TIAM1: variants seen among roughly 807,000 people sequenced by gnomAD.
The protein encoded by TIAM1 is TIAM Rac1 associated GEF 1, also known as rho guanine nucleotide exchange factor TIAM1.
In TIAM1, 65 loss-of-function variants were observed where a neutral mutation model predicts 163.5. The observed-to-expected ratio is 0.40, with a 90% confidence interval of 0.33 to 0.49. TIAM1 has a LOEUF of 0.49. TIAM1 is among the 20% of genes least tolerant of loss of function. The pLI, the probability that TIAM1 is intolerant of heterozygous loss-of-function variation, is 0.77. For synonymous variants in TIAM1, 833 were observed against 810.1 expected (o/e 1.03, Z -0.48); for missense variants, 1,789 against 2,044.7 (o/e 0.87, Z 2.41).
At position 31,438,392 on chromosome 21, in the gene TIAM1, A is replaced by G. The variant is rs182022815; in HGVS notation, c.-369+25591T>C. 1.3e-3 allele frequency among the ~76,000 whole-genome samples: 191 copies of G among 151,812 alleles called. 3 individuals carry two copies. The highest frequency in any genetic ancestry group is 8.2e-3 in the Admixed American group (125 of 15,232). On this transcript the variant is annotated intron_variant, in intron 2 of 28. Coordinates refer to the TIAM1 transcript ENST00000286827. ...TTTTTAGTAGAGACAGGGTTTTGCC[A>G]TGTTGGACAGGCTGGTCTCGAACTC...
intron 2 of TIAM1, among the ~76,000 whole-genome samples, chr21:31,326,339 TA>T (rs1411464264): frequency 6.6e-6 from 1 of 152,254 alleles, no homozygotes; most frequent in African/African-American, 2.4e-5. Flanking sequence ...AAGAGACTCT[TA>T]GAGGGAAGGG....
chr21:31,331,102 G>C (rs142544081), intron 2 of TIAM1, among the ~76,000 whole-genome samples: 59 of 152,192 alleles, frequency 3.9e-4, no homozygotes, highest in African/African-American at 1.4e-3. Context: ...GTGACATACA[G>C]AGCCAGTGCT....
At position 31,124,694 on chromosome 21, in the gene TIAM1, G is replaced by A. The variant is rs1293969632; in HGVS notation, c.4134C>T (p.Ser1378=). Residue 1378 remains serine (S), a splice_region_variant and synonymous_variant, in exon 27 of 28, where the codon AGC becomes AGT. Coordinates refer to ENST00000541036, the MANE Select transcript of TIAM1 (RefSeq NM_001353694.2). ...RPERVFHLCC[S]SPESRKDFLK... The stretch of plus-strand genomic sequence containing the variant: ...GGAAATCCTTTCGGCTCTCTGGGGA[G>A]CTAGGAAAAGAAGATTTACAGATGT... 2 of 1,563,206 alleles carry A rather than the reference G, an allele frequency of 1.3e-6. No individual in the cohort carries two copies. Among genetic ancestry groups the A allele is most frequent in the East Asian group, 2.3e-5 (1 of 43,996 alleles).
chr21:31,328,318 A>G (rs1479104995), intron 2 of TIAM1, among the ~76,000 whole-genome samples: 1 of 152,212 alleles, frequency 6.6e-6, no homozygotes, highest in Non-Finnish European at 1.5e-5. Context: ...ACCGTAGATC[A>G]AAAATATTCA....
intron 2 of TIAM1, among the ~76,000 whole-genome samples, chr21:31,383,906 C>A (rs2076822698): frequency 6.6e-6 from 1 of 152,146 alleles, no homozygotes; most frequent in African/African-American, 2.4e-5. Context: ...GGTTATGCTG[C>A]AAATCATCAG....
chr21:31,183,017 A>G (rs373947166), intron 14 of TIAM1, among the ~76,000 whole-genome samples: 2 of 152,182 alleles, frequency 1.3e-5, no homozygotes, highest in African/African-American at 4.8e-5. Flanking sequence ...GACTGCCATC[A>G]CTGTGTTTTG....
chr21:31,511,431 G>C (rs8129148), intron 1 of TIAM1, among the ~76,000 whole-genome samples: 9,361 of 152,182 alleles, frequency 0.062, 748 homozygotes, highest in African/African-American at 0.18. Context: ...CAGAACCTTG[G>C]TCTGTCCCTT....
chr21:31,435,822 T>A (rs1343434008), intron 2 of TIAM1, among the ~76,000 whole-genome samples: 1 of 152,182 alleles, frequency 6.6e-6, no homozygotes, highest in Non-Finnish European at 1.5e-5. Flanking sequence ...GTCTTGGAAG[T>A]GGGTTCGTTA....
chr21:31,442,066 A>AAAAAAAAAAAT (rs1202451553), intron 2 of TIAM1, among the ~76,000 whole-genome samples: 1 of 18,786 alleles, frequency 5.3e-5, no homozygotes, highest in African/African-American at 2.4e-4. Context: ...AGAACAAATA[A>AAAAAAAAAAAT]ATAAATATAT....
intron 2 of TIAM1, among the ~76,000 whole-genome samples, chr21:31,294,089 G>A (rs1033454746): frequency 5.3e-5 from 8 of 152,170 alleles, no homozygotes; most frequent in Non-Finnish European, 1.2e-4. Flanking sequence ...ACAGCATGGT[G>A]AGGGTGGGGG....
intron 15 of TIAM1, among the ~76,000 whole-genome samples, chr21:31,174,272 A>T (rs1179892686): frequency 6.6e-6 from 1 of 152,238 alleles, no homozygotes; most frequent in Non-Finnish European, 1.5e-5. Flanking sequence ...GCCCATGCAG[A>T]CCAAGCGGCT....
intron 2 of TIAM1, among the ~76,000 whole-genome samples, chr21:31,396,002 G>A (rs1028583273): frequency 6.6e-6 from 1 of 152,152 alleles, no homozygotes; most frequent in East Asian, 1.9e-4. Context: ...GAAATTGATT[G>A]GGATATAGGC....
intron 2 of TIAM1, among the ~76,000 whole-genome samples, chr21:31,457,387 C>G (rs2833409): frequency 1.3e-5 from 2 of 152,038 alleles, no homozygotes; most frequent in Admixed American, 1.3e-4. Flanking sequence ...GCAATGACAA[C>G]GACATTAACA....
chr21:31,391,170 C>T (rs1053135659), intron 2 of TIAM1, among the ~76,000 whole-genome samples: 3 of 152,056 alleles, frequency 2.0e-5, no homozygotes, highest in Non-Finnish European at 2.9e-5. Flanking sequence ...TCTTTGTGTA[C>T]GCTGTTGTGT....
chr21:31,247,915 AGGGGGAAACCGTTT>A (rs2071592533), intron 5 of TIAM1, among the ~76,000 whole-genome samples: 1 of 152,122 alleles, frequency 6.6e-6, no homozygotes, highest in African/African-American at 2.4e-5. Context: ...CAAAAATGGG[AGGGGGAAACCGTTT>A]TCCTCTAAGT....
At chr21:31,456,513 G>A (rs1412948303) in intron 2 of TIAM1, among the ~76,000 whole-genome samples, 2 of 152,180 alleles carry the variant, frequency 1.3e-5, no homozygotes, top group East Asian at 1.9e-4. Context: ...TTTAAGATAA[G>A]ATGAAAAAGT....
upstream of TIAM1, among the ~76,000 whole-genome samples, chr21:31,347,576 T>A (rs1299098694): frequency 6.6e-6 from 1 of 152,192 alleles, no homozygotes; most frequent in East Asian, 1.9e-4. Context: ...AGCAATGAAC[T>A]TATACACAAA....
At chr21:31,377,550 A>G (rs943003168) in intron 2 of TIAM1, among the ~76,000 whole-genome samples, 1 of 152,170 alleles carries the variant, frequency 6.6e-6, no homozygotes, top group African/African-American at 2.4e-5. Flanking sequence ...CAGTGACTAC[A>G]TCACGCCTCT....
chr21:31,401,361 T>C (rs1366229558), intron 2 of TIAM1, among the ~76,000 whole-genome samples: 1 of 152,172 alleles, frequency 6.6e-6, no homozygotes, highest in East Asian at 1.9e-4. Context: ...TGTCTAGACC[T>C]GAAATTTTAA....
Sources: gnomAD v4.1 joint callset for allele counts (sites outside exome capture counted in the v4.1 genomes callset) on GRCh38, gnomAD v4.1.1 for gene constraint, MANE v1.5 for transcripts, NCBI Gene and HGNC (gene_info 2026-07-23, HGNC 2026-07-21) for gene names.